ZFHX4: variants seen among roughly 807,000 people sequenced by gnomAD.
The protein encoded by ZFHX4 is zinc finger homeobox 4, also known as zinc finger homeobox protein 4.
A neutral mutation model predicts 267.6 loss-of-function variants in ZFHX4; 56 were observed. The observed-to-expected ratio is 0.21, with a 90% CI of 0.17 to 0.26. ZFHX4 has a LOEUF of 0.26. Among genes scored for constraint, ZFHX4 ranks in the 10% least tolerant of loss-of-function variants. The pLI is 1.00. For synonymous variants in ZFHX4, 1,778 were observed against 1,665.6 expected, an observed-to-expected ratio of 1.07 and a Z score of -1.64; for missense variants, 4,332 against 4,420.0, an observed-to-expected ratio of 0.98 and a Z score of 0.56.
At chr8:76,846,998 T>C (rs1195656956) in intron 6 of ZFHX4, among the ~76,000 whole-genome samples, 1 of 152,162 alleles carries the variant, frequency 6.6e-6, no homozygotes, top group Non-Finnish European at 1.5e-5. Context: ...CAGAGTATTA[T>C]TCTCCTAAGG....
chr8:76,818,783 C>T (rs530566970), intron 4 of ZFHX4, among the ~76,000 whole-genome samples: 1 of 152,036 alleles, frequency 6.6e-6, no homozygotes, highest in South Asian at 2.1e-4. Context: ...ATTAACCAGG[C>T]AAGGTGACAC....
At chr8:76,764,164 A>G (rs1368313053) in intron 3 of ZFHX4, among the ~76,000 whole-genome samples, 1 of 152,160 alleles carries the variant, frequency 6.6e-6, no homozygotes, top group Non-Finnish European at 1.5e-5. Flanking sequence ...AAATAATACA[A>G]ACTTGATTTA....
chr8:76,724,314 CTCT>C (rs1242302813), intron 3 of ZFHX4, among the ~76,000 whole-genome samples: 4 of 151,994 alleles, frequency 2.6e-5, no homozygotes, highest in Non-Finnish European at 5.9e-5. Context: ...ATCTGTTCCT[CTCT>C]TCTTCAGAAG....
At chr8:76,791,116 C>G (rs1182354721) in intron 4 of ZFHX4, among the ~76,000 whole-genome samples, 2 of 152,132 alleles carry the variant, frequency 1.3e-5, no homozygotes, top group African/African-American at 4.8e-5. Flanking sequence ...TTAAACATAG[C>G]ACAAAAGATT....
chr8:76,840,430 T>C (rs997415039), intron 5 of ZFHX4, among the ~76,000 whole-genome samples: 3 of 152,200 alleles, frequency 2.0e-5, no homozygotes, highest in Non-Finnish European at 2.9e-5. Flanking sequence ...ACCACAGTGA[T>C]GTATAGAAGA....
At chr8:76,713,060 G>T (rs1476564985) in intron 3 of ZFHX4, among the ~76,000 whole-genome samples, 2 of 152,124 alleles carry the variant, frequency 1.3e-5, no homozygotes, top group Non-Finnish European at 2.9e-5. Flanking sequence ...AATGCAATTG[G>T]CCAGCCCTAT....
intron 4 of ZFHX4, among the ~76,000 whole-genome samples, chr8:76,826,849 T>C (rs1245304521): frequency 6.6e-6 from 1 of 152,238 alleles, no homozygotes; most frequent in African/African-American, 2.4e-5. Context: ...GTAAACCTCA[T>C]GTTTAGTGTT....
chr8:76,695,540 G>A (rs1391741633), intron 1 of ZFHX4, among the ~76,000 whole-genome samples: 1 of 152,174 alleles, frequency 6.6e-6, no homozygotes, highest in Non-Finnish European at 1.5e-5. Flanking sequence ...ACAAAACCAA[G>A]AAGCTAAACT....
intron 6 of ZFHX4, among the ~76,000 whole-genome samples, chr8:76,846,421 T>C (rs1175029920): frequency 6.6e-6 from 1 of 152,036 alleles, no homozygotes; most frequent in Non-Finnish European, 1.5e-5. Context: ...TGGCTTATAT[T>C]AAGATTATGG....
chr8:76,791,288 G>T lies in ZFHX4; in HGVS notation c.3325+12849G>T, dbSNP rs143571789. Among the ~76,000 whole-genome samples the T allele has an allele frequency of 1.9e-3, 283 of 152,132 alleles. 1 individual carries two copies. Among genetic ancestry groups the T allele is most frequent in the African/African-American group, 6.5e-3 (268 of 41,512 alleles). On this transcript the variant is annotated intron_variant, in intron 4 of 10. Coordinates refer to ENST00000651372, the MANE Select transcript of ZFHX4 (RefSeq NM_024721.5). ...CAGCACTGCTGATTCTGGCCACTTT[G>T]GGTGTCTGTTGCATACCATCACAGC...
At chr8:76,695,801 T>G (rs1807940494) in intron 1 of ZFHX4, among the ~76,000 whole-genome samples, 1 of 152,232 alleles carries the variant, frequency 6.6e-6, no homozygotes, top group Non-Finnish European at 1.5e-5. Context: ...AGAGGCTGAT[T>G]AGTTTTTTCC....
chr8:76,729,500 T>G (rs1808941994), intron 3 of ZFHX4, among the ~76,000 whole-genome samples: 1 of 152,158 alleles, frequency 6.6e-6, no homozygotes, highest in Non-Finnish European at 1.5e-5. Context: ...TTTTCATGGT[T>G]TTAGAGAGCA....
At chr8:76,776,228 T>C (rs1262999429) in intron 3 of ZFHX4, among the ~76,000 whole-genome samples, 1 of 152,066 alleles carries the variant, frequency 6.6e-6, no homozygotes, top group Non-Finnish European at 1.5e-5. Context: ...AGAAATGACA[T>C]TGGTTGAATA....
At chr8:76,794,769 G>A (rs550206173) in intron 4 of ZFHX4, among the ~76,000 whole-genome samples, 4 of 152,104 alleles carry the variant, frequency 2.6e-5, no homozygotes, top group East Asian at 1.9e-4. Context: ...AAAGGTAGCC[G>A]TTTTAATATA....
At chr8:76,706,893 C>T (rs1808290717) in intron 2 of ZFHX4, among the ~76,000 whole-genome samples, 1 of 152,198 alleles carries the variant, frequency 6.6e-6, no homozygotes, top group African/African-American at 2.4e-5. Context: ...ATGGCGGCAT[C>T]AGCGAAGTTA....
intron 4 of ZFHX4, among the ~76,000 whole-genome samples, chr8:76,810,313 T>C (rs1425096917): frequency 6.6e-6 from 1 of 152,188 alleles, no homozygotes; most frequent in African/African-American, 2.4e-5. Context: ...AGATGCTGTG[T>C]CTAGGATCAG....
intron 3 of ZFHX4, among the ~76,000 whole-genome samples, chr8:76,743,556 T>G (rs941549943): frequency 1.3e-5 from 2 of 152,188 alleles, no homozygotes; most frequent in African/African-American, 2.4e-5. Flanking sequence ...TCCTGGGGAA[T>G]GAGTCCATGA....
chr8:76,847,722 T>A (rs1490457198), intron 6 of ZFHX4, among the ~76,000 whole-genome samples: 1 of 151,980 alleles, frequency 6.6e-6, no homozygotes, highest in African/African-American at 2.4e-5. Flanking sequence ...CTATCCACAG[T>A]TGAAATAGAA....
chr8:76,713,282 A>AAGAAAGATAGATAGAT (rs1808475422), intron 3 of ZFHX4, among the ~76,000 whole-genome samples: 1 of 143,070 alleles, frequency 7.0e-6, no homozygotes, highest in African/African-American at 2.6e-5. Flanking sequence ...GATAGATAGA[A>AAGAAAGATAGATAGAT]AGATAGATAG....
Sources: gnomAD v4.1 joint callset for allele counts (sites outside exome capture counted in the v4.1 genomes callset) on GRCh38, gnomAD v4.1.1 for gene constraint, MANE v1.5 for transcripts, NCBI Gene and HGNC (gene_info 2026-07-23, HGNC 2026-07-21) for gene names.